Variants in NCALD observed in about 807,000 individuals in gnomAD.
The protein encoded by NCALD is neurocalcin-delta.
In NCALD, 10 loss-of-function variants were observed where a neutral mutation model predicts 18.6. The observed-to-expected ratio is 0.54, with a 90% CI of 0.33 to 0.91. The LOEUF is 0.91. Among genes scored for constraint, NCALD ranks in the 40% least tolerant of loss-of-function variants. The pLI, the probability that NCALD is intolerant of heterozygous loss-of-function variation, is 0.03. For missense variants in NCALD, 184 were observed against 247.6 expected (o/e 0.74, Z 1.72); for synonymous variants, 88 against 87.4 (o/e 1.01, Z -0.04).
rs1172733043 is a variant in NCALD, at chr8:101,790,842, A to T, written c.-20+20T>A. Reference sequence around the variant, plus strand: ...AGCTATAAAAACATCTAACTATTGTATATAAAGCAAACTAATTACCTCACT... The same window carrying T: ...AGCTATAAAAACATCTAACTATTGTTTATAAAGCAAACTAATTACCTCACT... On this transcript the variant is annotated intron_variant, in intron 1 of 3. Coordinates refer to ENST00000220931, the MANE Select transcript of NCALD (RefSeq NM_032041.3). The T allele has an allele frequency of 1.3e-5, 2 of 152,236 alleles. No homozygotes were observed. The highest frequency in any genetic ancestry group is 6.5e-5 in the Admixed American group (1 of 15,278). The allele number at this position is 152,236 out of a possible 1,614,324, so 9.4% of individuals were successfully genotyped here.
intron 2 of NCALD, among the ~76,000 whole-genome samples, chr8:102,009,688 T>G (rs1821837664): frequency 6.6e-6 from 1 of 152,254 alleles, no homozygotes; most frequent in Non-Finnish European, 1.5e-5. Flanking sequence ...AATATACTTT[T>G]TATTCTCAGC....
intron 2 of NCALD, among the ~76,000 whole-genome samples, chr8:101,921,365 A>ATTATTAT (rs1191805551): frequency 1.3e-5 from 2 of 151,948 alleles, no homozygotes; most frequent in Non-Finnish European, 2.9e-5. Context: ...GGATTTCTAA[A>ATTATTAT]ATCCTTTTTT....
At chr8:102,058,739 A>G (rs969038541) in intron 1 of NCALD, among the ~76,000 whole-genome samples, 1 of 152,230 alleles carries the variant, frequency 6.6e-6, no homozygotes, top group Non-Finnish European at 1.5e-5. Context: ...AATTCTCAGA[A>G]CATTGTGAGT....
intron 2 of NCALD, among the ~76,000 whole-genome samples, chr8:101,714,867 GGCACCTGTAGTCCCA>G (rs1428771749): frequency 1.3e-5 from 2 of 150,796 alleles, no homozygotes; most frequent in Non-Finnish European, 2.9e-5. Flanking sequence ...CGCGGTGGCG[GGCACCTGTAGTCCCA>G]GCTACTCGGG....
At chr8:101,908,144 G>A (rs192471936) in intron 3 of NCALD, among the ~76,000 whole-genome samples, 31 of 152,308 alleles carry the variant, frequency 2.0e-4, no homozygotes, top group Non-Finnish European at 3.1e-4. Context: ...TTTTGACAAG[G>A]ACAATAAGAT....
intron 4 of NCALD, among the ~76,000 whole-genome samples, chr8:101,869,605 G>A (rs903877144): frequency 3.2e-4 from 48 of 152,156 alleles, no homozygotes; most frequent in Admixed American, 3.1e-3. Flanking sequence ...AGCCAGGGAT[G>A]GGAAGGGAAG....
At chr8:101,835,261 G>A (rs776632318) in intron 4 of NCALD, among the ~76,000 whole-genome samples, 5 of 152,196 alleles carry the variant, frequency 3.3e-5, no homozygotes, top group Non-Finnish European at 5.9e-5. Context: ...AGGGCCCCTT[G>A]GCCCTTCCAT....
intron 2 of NCALD, among the ~76,000 whole-genome samples, chr8:101,981,826 G>A (rs919800971): frequency 1.3e-5 from 2 of 152,084 alleles, no homozygotes; most frequent in Non-Finnish European, 2.9e-5. Context: ...CTTATTTTGG[G>A]AGAAGGAGCC....
intron 4 of NCALD, among the ~76,000 whole-genome samples, chr8:101,874,845 C>T (rs986953447): frequency 6.6e-6 from 1 of 152,092 alleles, no homozygotes; most frequent in Non-Finnish European, 1.5e-5. Flanking sequence ...CAATTTTTAA[C>T]TCCTCTCCTC....
chr8:101,940,272 G>C (rs1409720520), intron 2 of NCALD, among the ~76,000 whole-genome samples: 2 of 152,270 alleles, frequency 1.3e-5, no homozygotes, highest in Admixed American at 1.3e-4. Flanking sequence ...GGTGGCAATA[G>C]GAAGAAACTG....
intron 1 of NCALD, among the ~76,000 whole-genome samples, chr8:101,764,891 G>A (rs1586440218): frequency 6.6e-6 from 1 of 152,190 alleles, no homozygotes; most frequent in African/African-American, 2.4e-5. Flanking sequence ...TTAAACTCAT[G>A]TTGTTCTAAC....
chr8:102,071,150 C>T (rs1391616958), intron 1 of NCALD, among the ~76,000 whole-genome samples: 4 of 151,996 alleles, frequency 2.6e-5, no homozygotes, highest in South Asian at 2.1e-4. Context: ...TATAAAAGAA[C>T]GCAATGAACA....
chr8:101,903,250 G>T (rs965175429), intron 3 of NCALD, among the ~76,000 whole-genome samples: 1 of 149,070 alleles, frequency 6.7e-6, no homozygotes, highest in Non-Finnish European at 1.5e-5. Flanking sequence ...AGGCTGGAGT[G>T]CAGTGGCGTG....
intron 4 of NCALD, among the ~76,000 whole-genome samples, chr8:101,834,378 C>T (rs760112756): frequency 8.5e-5 from 13 of 152,240 alleles, no homozygotes; most frequent in South Asian, 2.1e-4. Flanking sequence ...CCAGGCTTCA[C>T]GTGAAGCTGG....
intron 1 of NCALD, among the ~76,000 whole-genome samples, chr8:101,755,496 C>A (rs1810838848): frequency 6.6e-6 from 1 of 152,196 alleles, no homozygotes; most frequent in Admixed American, 6.6e-5. Flanking sequence ...AGATCATTTT[C>A]ATGCTCATGA....
In NCALD at chr8:101,997,377, T is replaced by C. The variant is rs376757634; in HGVS notation, c.-157+22860A>G. Among the ~76,000 whole-genome samples the C allele has an allele frequency of 2.7e-5, 4 of 149,748 alleles. No homozygotes were observed. In the Middle Eastern group the frequency reaches 0.01, roughly 387 times the overall value. On this transcript the variant is annotated intron_variant, in intron 2 of 6. Transcript: ENST00000311028. Reference sequence around the variant, plus strand: ...AATATTTTTAAAGAGCATGCTTTTATTTTTTTTTTCCTGGAACCTTTTAGA... The same window carrying C: ...AATATTTTTAAAGAGCATGCTTTTACTTTTTTTTTCCTGGAACCTTTTAGA...
intron 4 of NCALD, among the ~76,000 whole-genome samples, chr8:101,851,884 G>A (rs1815106671): frequency 6.6e-6 from 1 of 152,084 alleles, no homozygotes; most frequent in Admixed American, 6.5e-5. Context: ...GATATTAAGA[G>A]GTGGGGCTTT....
intron 2 of NCALD, among the ~76,000 whole-genome samples, chr8:101,916,034 G>A (rs56196427): frequency 0.094 from 14,307 of 152,094 alleles, 749 homozygotes; most frequent in East Asian, 0.2. Flanking sequence ...GGTTGGGGTG[G>A]AGGTGAGGTT....
At chr8:101,987,211 GAC>G (rs1397469508) in intron 2 of NCALD, among the ~76,000 whole-genome samples, 2 of 152,130 alleles carry the variant, frequency 1.3e-5, no homozygotes, top group African/African-American at 4.8e-5. Context: ...AAAACGGGGC[GAC>G]TATTGCCTTT....
Sources: allele counts gnomAD v4.1 joint callset (sites outside exome capture counted in the v4.1 genomes callset), GRCh38; gene constraint gnomAD v4.1.1; transcripts MANE v1.5; gene names NCBI Gene and HGNC (gene_info 2026-07-23, HGNC 2026-07-21).